Variants in ANKRD36 observed in about 807,000 individuals in gnomAD.
The protein encoded by ANKRD36 is ankyrin repeat domain 36, also known as ankyrin repeat domain-containing protein 36A.
Under a neutral mutation model 278.1 loss-of-function variants are expected in ANKRD36, and 179 were observed. That is an observed-to-expected ratio of 0.64 (90% CI 0.57 to 0.73). The LOEUF (loss-of-function observed/expected upper bound fraction) is 0.73. Ranked by LOEUF, ANKRD36 falls within the 30% of genes least tolerant of loss-of-function variation. ANKRD36 has a pLI of 0.00. For synonymous variants in ANKRD36, 320 were observed against 641.1 expected (o/e 0.50, Z 7.57); for missense variants, 1,159 against 1,956.7 (o/e 0.59, Z 7.69).
chr2:97,117,259 T>A (rs2060829), intron 1 of ANKRD36, among the ~76,000 whole-genome samples: 149,840 of 151,782 alleles, frequency 0.99, 73,976 homozygotes, highest in East Asian at 1. Context: ...TTTTTTTTTT[T>A]AAATTGAAGT....
At chr2:97,193,999 T>C (rs1256961061) in intron 38 of ANKRD36, among the ~76,000 whole-genome samples, 2 of 151,708 alleles carry the variant, frequency 1.3e-5, no homozygotes, top group Non-Finnish European at 1.5e-5. Context: ...GCCATTTTAC[T>C]TTGTAGAAGT....
chr2:97,157,986 T>G, intron 15 of ANKRD36, 121 bp from the exon 16 acceptor site: 1 of 843,186 alleles, frequency 1.2e-6, no homozygotes, highest in Non-Finnish European at 1.8e-6. Context: ...ACTTGAGGTT[T>G]GAATCTACAT....
chr2:97,194,250 G>T (rs1261514058), intron 38 of ANKRD36, among the ~76,000 whole-genome samples: 1 of 151,628 alleles, frequency 6.6e-6, no homozygotes, highest in East Asian at 2.0e-4. Flanking sequence ...CGTTCAACTG[G>T]AGGGTCATCG....
intron 67 of ANKRD36, among the ~76,000 whole-genome samples, chr2:97,227,827 T>G (rs1379616222): frequency 1.3e-5 from 2 of 152,142 alleles, no homozygotes; most frequent in Non-Finnish European, 2.9e-5. Context: ...CCTAATTTAT[T>G]GAGAGTTTTT....
intron 56 of ANKRD36, 90 bp from the exon 57 acceptor site, chr2:97,211,456 G>C: frequency 6.5e-7 from 1 of 1,545,356 alleles, no homozygotes; most frequent in South Asian, 1.2e-5. Context: ...ACAGGCTGGG[G>C]GACAGAGTTT....
intron 42 of ANKRD36, among the ~76,000 whole-genome samples, chr2:97,197,377 G>C (rs1312486990): frequency 6.6e-6 from 1 of 151,932 alleles, no homozygotes; most frequent in Non-Finnish European, 1.5e-5. Flanking sequence ...TTTGGCTGCT[G>C]CAGGAACTGC....
At chr2:97,170,833 T>A (rs1224961433) in intron 22 of ANKRD36, among the ~76,000 whole-genome samples, 6 of 150,496 alleles carry the variant, frequency 4.0e-5, no homozygotes, top group East Asian at 2.0e-4. Context: ...GAATCTACAA[T>A]GAACTCAAAC....
intron 24 of ANKRD36, among the ~76,000 whole-genome samples, chr2:97,180,837 A>G (rs565366441): frequency 1.5e-3 from 223 of 151,814 alleles, no homozygotes; most frequent in African/African-American, 5.3e-3. Flanking sequence ...TATTGGAGTG[A>G]TTTCTGAATG....
At chr2:97,195,047 A>G (rs1396203989) in intron 40 of ANKRD36, 130 bp downstream of exon 40, 12 of 1,358,548 alleles carry the variant, frequency 8.8e-6, no homozygotes, top group African/African-American at 4.5e-5. Flanking sequence ...TTCATTTCTA[A>G]TAAGTTCTTG....
In ANKRD36 at chr2:97,118,062, A is replaced by G. The variant is rs557821546; in HGVS notation, c.198-2A>G. On this transcript the variant is annotated splice_acceptor_variant, in intron 1 of 75. Transcript: ENST00000420699. LOFTEE classifies it high-confidence loss of function. Reference sequence around the variant, plus strand: ...TTTTAAAAAGTCCTGTCACTCTCACAGGACCGCCCTACATTTGGCCTGTGC... The same window carrying G: ...TTTTAAAAAGTCCTGTCACTCTCACGGGACCGCCCTACATTTGGCCTGTGC... 4 of 1,551,998 alleles carry G rather than the reference A, an allele frequency of 2.6e-6. No individual in the cohort carries two copies. The highest frequency in any genetic ancestry group is 2.0e-5 in the Admixed American group (1 of 50,792).
At chr2:97,194,646 T>A in intron 38 of ANKRD36, 80 bp from the exon 39 acceptor site, 1 of 1,583,736 alleles carries the variant, frequency 6.3e-7, no homozygotes, top group African/African-American at 1.3e-5. Flanking sequence ...GGACAGAGGT[T>A]GATGCTAACA....
intron 64 of ANKRD36, 59 bp downstream of exon 64, chr2:97,217,431 C>A: frequency 6.5e-7 from 1 of 1,546,766 alleles, no homozygotes; most frequent in Non-Finnish European, 8.7e-7. Context: ...CAACATCCCA[C>A]CCCTGAATAG....
At chr2:97,124,620 T>G in intron 5 of ANKRD36, 23 bp downstream of exon 5, 1 of 1,537,978 alleles carries the variant, frequency 6.5e-7, no homozygotes, top group Non-Finnish European at 8.8e-7. Context: ...ATAAAAAGGC[T>G]AGTGAACACT....
In ANKRD36 at chr2:97,118,148, C is replaced by T. The variant is rs769792584; in HGVS notation, c.282C>T (p.Cys94=). 28 of 1,570,258 alleles carry T rather than the reference C, an allele frequency of 1.8e-5. No homozygotes were observed. The highest frequency in any genetic ancestry group is 4.7e-5 in the East Asian group (2 of 42,592). ...CCAGAAGATGTGAGCTTAACCTCTG[C>T]GACCGTGAAGACAGGACACCTCTGA... is the stretch of plus-strand genomic sequence containing the variant. The part of the protein sequence containing the change: ...LVSRRCELNL[C]DREDRTPLIK... Residue 94 remains cysteine (C), a synonymous_variant, in exon 2 of 76, where the codon TGC becomes TGT. Transcript: ENST00000420699.
chr2:97,145,004 A>G (rs914544270), intron 10 of ANKRD36, among the ~76,000 whole-genome samples: 3 of 151,980 alleles, frequency 2.0e-5, no homozygotes, highest in African/African-American at 7.2e-5. Context: ...ATTCTACAGC[A>G]TGTCTCCATG....
chr2:97,221,142 A>G (rs28839187), intron 66 of ANKRD36, among the ~76,000 whole-genome samples: 3,164 of 116,274 alleles, frequency 0.027, 23 homozygotes, highest in African/African-American at 0.11. Flanking sequence ...ATTCCATGGC[A>G]TATATGTGCC....
intron 58 of ANKRD36, chr2:97,213,014 A>G (rs894357903): frequency 1.2e-5 from 5 of 416,800 alleles, no homozygotes; most frequent in East Asian, 6.2e-5. Flanking sequence ...TGTTTGTACT[A>G]TAATGGTGTA....
At chr2:97,138,201 G>A (rs1233823408) in intron 6 of ANKRD36, among the ~76,000 whole-genome samples, 2 of 152,066 alleles carry the variant, frequency 1.3e-5, no homozygotes, top group African/African-American at 4.8e-5. Flanking sequence ...AAAACAAATT[G>A]TCTCAGCCCC....
chr2:97,226,833 T>G (rs1483368098), intron 67 of ANKRD36, among the ~76,000 whole-genome samples: 1 of 151,600 alleles, frequency 6.6e-6, no homozygotes, highest in African/African-American at 2.4e-5. Flanking sequence ...CAGTTGCAGC[T>G]TTCTACATAT....
Sources: gnomAD v4.1 joint callset for allele counts (sites outside exome capture counted in the v4.1 genomes callset) on GRCh38, gnomAD v4.1.1 for gene constraint, MANE v1.5 for transcripts, NCBI Gene and HGNC (gene_info 2026-07-23, HGNC 2026-07-21) for gene names.